Variants in GTF2A2 observed in about 807,000 individuals in gnomAD.
The protein encoded by GTF2A2 is general transcription factor IIA subunit 2, also known as transcription initiation factor IIA subunit 2.
Under a neutral mutation model 14.3 loss-of-function variants are expected in GTF2A2, and 9 were observed. The observed-to-expected ratio is 0.63, with a 90% CI of 0.38 to 1.10. The LOEUF (loss-of-function observed/expected upper bound fraction) is 1.10. Among genes scored for constraint, GTF2A2 ranks in the 50% least tolerant of loss-of-function variants. The pLI, the probability that GTF2A2 is intolerant of heterozygous loss-of-function variation, is 0.01. For missense variants in GTF2A2, 90 were observed against 124.6 expected, an observed-to-expected ratio of 0.72 and a Z score of 1.32; for synonymous variants, 56 against 46.0, an observed-to-expected ratio of 1.22 and a Z score of -0.88.
intron 4 of GTF2A2, 103 bp downstream of exon 4, chr15:59,642,033 G>A (rs1595667357): frequency 2.1e-6 from 2 of 936,508 alleles, no homozygotes; most frequent in East Asian, 2.6e-5. Context: ...ATTGATCATA[G>A]GGCCATTTTA....
intron 4 of GTF2A2, among the ~76,000 whole-genome samples, chr15:59,641,276 A>G (rs1056620640): frequency 5.9e-5 from 9 of 151,718 alleles, no homozygotes; most frequent in African/African-American, 2.2e-4. Context: ...AAAAAAAGTT[A>G]TAACACCATC....
chr15:59,639,635 T>A (rs1891326766), intron 4 of GTF2A2, among the ~76,000 whole-genome samples: 1 of 149,604 alleles, frequency 6.7e-6, no homozygotes, highest in African/African-American at 2.5e-5. Flanking sequence ...GCTAATTTTT[T>A]GTACTTTAGA....
chr15:59,646,216 C>G (rs1334718127), intron 3 of GTF2A2, among the ~76,000 whole-genome samples: 3 of 150,786 alleles, frequency 2.0e-5, no homozygotes, highest in African/African-American at 7.5e-5. Flanking sequence ...GCCACCACAC[C>G]CAGCTAATTT....
chr15:59,639,446 G>C (rs935876777), intron 4 of GTF2A2, among the ~76,000 whole-genome samples: 2 of 147,286 alleles, frequency 1.4e-5, no homozygotes. Context: ...TCTTCCCCCA[G>C]GTCCTTTACT....
At chr15:59,644,577 T>C (rs1226690691) in intron 3 of GTF2A2, among the ~76,000 whole-genome samples, 1 of 152,174 alleles carries the variant, frequency 6.6e-6, no homozygotes, top group Non-Finnish European at 1.5e-5. Context: ...AACAGGTAAA[T>C]ACGTAGTATA....
chr15:59,647,902 GT>G (rs1441059484), intron 3 of GTF2A2, among the ~76,000 whole-genome samples: 4 of 152,088 alleles, frequency 2.6e-5, no homozygotes, highest in Middle Eastern at 3.4e-3. Context: ...TATAATAAAT[GT>G]TTGTTACAGA....
chr15:59,642,229 C>T lies in GTF2A2; in HGVS notation c.211G>A (p.Val71Met). The part of the protein sequence containing the change: ...SLNTYRFCDN[V>M]WTFVLNDVEF... The stretch of plus-strand genomic sequence containing the variant: ...ACATCATTCAGTACAAAAGTCCACA[C>T]ATTATCGCAGAATCTGTACGTATTT... The change falls in exon 4 of 5, where the codon GTG (valine) becomes ATG (methionine). Residue 71 changes from valine (V) to methionine (M), a missense_variant. Physicochemically the swap from Val to Met is conservative, Grantham distance 21. Transcript: ENST00000396060. 6.2e-7 allele frequency: 1 copy of T among 1,610,604 alleles called. No individual in the cohort carries two copies. Among genetic ancestry groups the T allele is most frequent in the Non-Finnish European group, 8.5e-7 (1 of 1,178,164 alleles).
chr15:59,648,050 A>G (rs1171842682), intron 3 of GTF2A2, among the ~76,000 whole-genome samples: 1 of 152,176 alleles, frequency 6.6e-6, no homozygotes, highest in African/African-American at 2.4e-5. Context: ...GCTCAACACT[A>G]TAAAGTAACC....
At position 59,639,028 on chromosome 15, in the gene GTF2A2, T is replaced by A. The variant is rs1409706758; in HGVS notation, c.*104A>T. ...TGGAATTCTCTGGTATAGCACAGTG[T>A]AGTCATTTCTGCAATTCTAGAATAA... On this transcript the variant is annotated 3_prime_UTR_variant, in exon 5 of 5. Coordinates refer to ENST00000396060, the MANE Select transcript of GTF2A2 (RefSeq NM_004492.3). 2.7e-6 allele frequency: 2 copies of A among 735,368 alleles called. No individual in the cohort carries two copies. The highest frequency in any genetic ancestry group is 5.0e-6 in the Non-Finnish European group (2 of 403,058). 45.6% of individuals were successfully genotyped at this position (735,368 alleles called of 1,614,324 possible). A position where few individuals can be genotyped will look rare whatever the true frequency, so the allele number is the denominator to read the frequency against.
chr15:59,649,187 G>T (rs907534710), intron 3 of GTF2A2, among the ~76,000 whole-genome samples: 11 of 152,126 alleles, frequency 7.2e-5, no homozygotes, highest in Non-Finnish European at 1.3e-4. Flanking sequence ...ATTTAAAATT[G>T]ATCAAGTTGG....
chr15:59,639,262 TG>T, intron 4 of GTF2A2, 105 bp from the exon 5 acceptor site: 1 of 743,808 alleles, frequency 1.3e-6, no homozygotes. Flanking sequence ...GGACTAATAG[TG>T]GTGGTGGCTT....
intron 3 of GTF2A2, among the ~76,000 whole-genome samples, chr15:59,646,118 G>A (rs954287989): frequency 2.0e-5 from 3 of 151,904 alleles, no homozygotes; most frequent in Non-Finnish European, 4.4e-5. Flanking sequence ...GCACAGTGGT[G>A]TGATCTTGGC....
chr15:59,648,635 G>A (rs1270209962), intron 3 of GTF2A2, among the ~76,000 whole-genome samples: 3 of 151,372 alleles, frequency 2.0e-5, no homozygotes, highest in Non-Finnish European at 3.0e-5. Context: ...CCCATAAAAG[G>A]ATTTAAAACA....
Position 59,642,058 on chromosome 15 carries a change from C to G in GTF2A2, c.304+78G>C, listed in dbSNP as rs184691175. 31 of 1,318,560 alleles carry G rather than the reference C, an allele frequency of 2.4e-5. No individual in the cohort carries two copies. In the African/African-American group the frequency reaches 3.9e-4, roughly 16 times the overall value. The allele number at this position is 1,318,560 out of a possible 1,614,324, so 81.7% of individuals were successfully genotyped here. On this transcript the variant is annotated intron_variant, in intron 4 of 4. Coordinates refer to ENST00000396060, the MANE Select transcript of GTF2A2 (RefSeq NM_004492.3). ...GGGCCATTTTACCCGTTAGGCTTTT[C>G]ATATGGATGCAGATCTTCTAAAGGC...
chr15:59,656,059 C>G (rs1891933606), intron 1 of GTF2A2, among the ~76,000 whole-genome samples: 1 of 152,176 alleles, frequency 6.6e-6, no homozygotes, highest in Non-Finnish European at 1.5e-5. Flanking sequence ...TCTAAAACTT[C>G]AGTTACAACA....
chr15:59,645,584 G>T (rs867154727), intron 3 of GTF2A2, among the ~76,000 whole-genome samples: 1 of 152,144 alleles, frequency 6.6e-6, no homozygotes, highest in Admixed American at 6.5e-5. Context: ...GACGTTAAGG[G>T]AAAAAGACAC....
intron 3 of GTF2A2, among the ~76,000 whole-genome samples, chr15:59,642,565 G>C (rs772479576): frequency 3.9e-5 from 6 of 152,120 alleles, no homozygotes; most frequent in Non-Finnish European, 7.4e-5. Context: ...ATGTGGCTAA[G>C]TTATGAAAGT....
At chr15:59,649,234 T>A (rs1891716892) in intron 3 of GTF2A2, among the ~76,000 whole-genome samples, 1 of 152,152 alleles carries the variant, frequency 6.6e-6, no homozygotes, top group Admixed American at 6.5e-5. Context: ...AAGCGTGAGT[T>A]AGAATAGTAG....
At chr15:59,650,211 A>C (rs1038497077) in intron 3 of GTF2A2, among the ~76,000 whole-genome samples, 8 of 152,216 alleles carry the variant, frequency 5.3e-5, no homozygotes, top group Non-Finnish European at 1.2e-4. Context: ...CTACCATTAG[A>C]GATCAGGTTT....
Sources: allele counts gnomAD v4.1 joint callset (sites outside exome capture counted in the v4.1 genomes callset), GRCh38; gene constraint gnomAD v4.1.1; transcripts MANE v1.5; gene names NCBI Gene and HGNC (gene_info 2026-07-23, HGNC 2026-07-21).